ELAVL3: variants seen among roughly 807,000 people sequenced by gnomAD.
ELAVL3 encodes the protein ELAV like RNA binding protein 3.
Under a neutral mutation model 34.2 loss-of-function variants are expected in ELAVL3, and 8 were observed. That is an observed-to-expected ratio of 0.23 (90% CI 0.14 to 0.42). The LOEUF is 0.42. Among genes scored for constraint, ELAVL3 ranks in the 10% least tolerant of loss-of-function variants. The pLI, the probability that ELAVL3 is intolerant of heterozygous loss-of-function variation, is 1.00. For synonymous variants in ELAVL3, 209 were observed against 222.1 expected, an observed-to-expected ratio of 0.94 and a Z score of 0.53; for missense variants, 273 against 518.8, an observed-to-expected ratio of 0.53 and a Z score of 4.60.
Position 11,454,461 on chromosome 19 carries a change from C to T in ELAVL3, c.*65G>A, listed in dbSNP as rs1970723521. On this transcript the variant is annotated 3_prime_UTR_variant, in exon 7 of 7. Coordinates refer to ENST00000359227, the MANE Select transcript of ELAVL3 (RefSeq NM_001420.4). The surrounding 1 kb of genome is among the most constrained non-coding windows in gnomAD (Gnocchi z 9.2). ...TCTCTTGGGCCCCTTCTCTCTCTCT[C>T]TCTCTCTTTCTCTCTCTCTCTCTCT... is the stretch of plus-strand genomic sequence containing the variant. The T allele has an allele frequency of 7.1e-7, 1 of 1,401,792 alleles. No homozygotes were observed. Among genetic ancestry groups the T allele is most frequent in the Non-Finnish European group, 9.5e-7 (1 of 1,053,050 alleles). 86.8% of individuals were successfully genotyped at this position (1,401,792 alleles called of 1,614,324 possible). A position where few individuals can be genotyped will look rare whatever the true frequency, so the allele number is the denominator to read the frequency against.
intron 1 of ELAVL3, among the ~76,000 whole-genome samples, chr19:11,471,279 C>T (rs1355172204): frequency 6.7e-6 from 1 of 148,706 alleles, no homozygotes; most frequent in African/African-American, 2.5e-5. Flanking sequence ...CATTGCATTC[C>T]AGCCTGAGCA....
intron 1 of ELAVL3, among the ~76,000 whole-genome samples, chr19:11,469,201 T>A (rs1159375940): frequency 1.3e-5 from 2 of 152,224 alleles, no homozygotes; most frequent in Admixed American, 6.5e-5. Flanking sequence ...GTGTTGGAAT[T>A]ACAGGCGTGA....
chr19:11,474,303 G>A (rs1037632111), intron 1 of ELAVL3, among the ~76,000 whole-genome samples: 4 of 152,084 alleles, frequency 2.6e-5, no homozygotes, highest in Admixed American at 2.0e-4. Flanking sequence ...AAAGTGCTAA[G>A]GATTCAGTTG....
Position 11,466,322 on chromosome 19 carries a change from C to T in ELAVL3, c.230-47G>A, listed in dbSNP as rs774194719. 55 of 1,543,642 alleles carry T rather than the reference C, an allele frequency of 3.6e-5. No homozygotes were observed. The highest frequency in any genetic ancestry group is 4.7e-5 in the Non-Finnish European group (53 of 1,116,680). ...TGACCTTCCCACCCAGCCTTGACAC[C>T]TGCCAGTGTCCCACCTCAGGCCTGA... On this transcript the variant is annotated intron_variant, in intron 2 of 6. Coordinates refer to ENST00000359227, the MANE Select transcript of ELAVL3 (RefSeq NM_001420.4). The surrounding 1 kb of genome is among the most constrained non-coding windows in gnomAD (Gnocchi z 5.0).
At chr19:11,461,352 A>G (rs939283222) in intron 3 of ELAVL3, among the ~76,000 whole-genome samples, 23 of 152,124 alleles carry the variant, frequency 1.5e-4, no homozygotes, top group Non-Finnish European at 2.6e-4. Context: ...AGGGAAGTCC[A>G]CCTCTCAAAT....
Position 11,466,502 on chromosome 19 carries a change from C to T in ELAVL3, c.229+106G>A. The T allele has an allele frequency of 7.5e-7, 1 of 1,339,210 alleles. No individual in the cohort carries two copies. Among genetic ancestry groups the T allele is most frequent in the Non-Finnish European group, 1.0e-6 (1 of 955,432 alleles). The allele number at this position is 1,339,210 out of a possible 1,614,324, so 83.0% of individuals were successfully genotyped here. ...CTCACATCCCTAGACCACCTCCTGCCTCGATTACCCCCGAGACACCTCAGC... is the reference window on the plus strand; with the variant it reads ...CTCACATCCCTAGACCACCTCCTGCTTCGATTACCCCCGAGACACCTCAGC... On this transcript the variant is annotated intron_variant, in intron 2 of 6. Coordinates refer to ENST00000359227, the MANE Select transcript of ELAVL3 (RefSeq NM_001420.4). This position sits in a 1 kb window ranked among gnomAD's most constrained non-coding sequence, Gnocchi z 5.0.
rs758629668 is a variant in ELAVL3, at chr19:11,480,647, G to A, written c.-39C>T. The A allele has an allele frequency of 2.1e-6, 3 of 1,416,054 alleles. No individual in the cohort carries two copies. The highest frequency in any genetic ancestry group is 2.8e-6 in the Non-Finnish European group (3 of 1,078,154). The allele number at this position is 1,416,054 out of a possible 1,614,324, so 87.7% of individuals were successfully genotyped here. On this transcript the variant is annotated 5_prime_UTR_variant, in exon 1 of 7. Coordinates refer to ENST00000359227, the MANE Select transcript of ELAVL3 (RefSeq NM_001420.4). This position sits in a 1 kb window ranked among gnomAD's most constrained non-coding sequence, Gnocchi z 6.8. Reference sequence around the variant, plus strand: ...GCGGGCGCGGTCCGTGTTGAGGGGGGCTCCGGGGGTGGTGCACTCCTAGGG... The same window carrying A: ...GCGGGCGCGGTCCGTGTTGAGGGGGACTCCGGGGGTGGTGCACTCCTAGGG...
Position 11,480,370 on chromosome 19 carries a change from C to G in ELAVL3, c.9+230G>C, listed in dbSNP as rs1020681251. ...CTCCAGGGCGGCGTCGGACGCCTCC[C>G]GAATCGCAGTCAGTCTCCCTAAGGC... On this transcript the variant is annotated intron_variant, in intron 1 of 6. Coordinates refer to ENST00000359227, the MANE Select transcript of ELAVL3 (RefSeq NM_001420.4). This position sits in a 1 kb window ranked among gnomAD's most constrained non-coding sequence, Gnocchi z 6.8. The G allele has an allele frequency of 2.3e-6, 1 of 429,312 alleles. No individual in the cohort carries two copies. Among genetic ancestry groups the G allele is most frequent in the Non-Finnish European group, 4.0e-6 (1 of 251,536 alleles). 26.6% of individuals were successfully genotyped at this position (429,312 alleles called of 1,614,324 possible). A position where few individuals can be genotyped will look rare whatever the true frequency, so the allele number is the denominator to read the frequency against.
chr19:11,470,989 G>T (rs142529752), intron 1 of ELAVL3, among the ~76,000 whole-genome samples: 1 of 152,294 alleles, frequency 6.6e-6, no homozygotes, highest in East Asian at 1.9e-4. Context: ...AGGACTACAG[G>T]TGGGCGCCAC....
rs972706508 is a variant in ELAVL3, at chr19:11,480,720, C to A, written c.-112G>T. The A allele has an allele frequency of 2.8e-6, 3 of 1,078,064 alleles. No individual in the cohort carries two copies. The highest frequency in any genetic ancestry group is 3.2e-5 in the Admixed American group (1 of 31,150). 66.8% of individuals were successfully genotyped at this position (1,078,064 alleles called of 1,614,324 possible). ...GGTCCCGCCCGGGCGGCCTCTGGTG[C>A]GGCCGCTGCAGATGTGGCGATGAAG... On this transcript the variant is annotated 5_prime_UTR_variant, in exon 1 of 7. Coordinates refer to ENST00000359227, the MANE Select transcript of ELAVL3 (RefSeq NM_001420.4). This position sits in a 1 kb window ranked among gnomAD's most constrained non-coding sequence, Gnocchi z 6.8.
intron 3 of ELAVL3, among the ~76,000 whole-genome samples, chr19:11,461,784 A>G (rs1237437701): frequency 6.6e-6 from 1 of 151,982 alleles, no homozygotes; most frequent in Non-Finnish European, 1.5e-5. Flanking sequence ...TGTTTCTTCT[A>G]ATTAACCTCT....
rs1402825405 is a variant in ELAVL3, at chr19:11,458,467, G to A, written c.478C>T (p.Gln160Ter). The change falls in exon 4 of 7, where the codon CAG becomes TAG. Residue 160 changes from glutamine (Q) to a stop codon, truncating the protein, a stop_gained. Coordinates refer to ENST00000359227, the MANE Select transcript of ELAVL3 (RefSeq NM_001420.4). LOFTEE classifies it high-confidence loss of function. This position sits in a 1 kb window ranked among gnomAD's most constrained non-coding sequence, Gnocchi z 7.3. ...TCCCTGACTGCCTGACCTGTGACCTGGTCCACCAGGATGCGGGACGTGATG... is the reference window on the plus strand; with the variant it reads ...TCCCTGACTGCCTGACCTGTGACCTAGTCCACCAGGATGCGGGACGTGATG... ...RIITSRILVD[Q>*]VTGVSRGVGF... 1 of 1,614,002 alleles carries A rather than the reference G, an allele frequency of 6.2e-7. No individual in the cohort carries two copies. The highest frequency in any genetic ancestry group is 1.3e-5 in the African/African-American group (1 of 74,928).
rs374596701 is a variant in ELAVL3 at position 11,466,241 on chromosome 19, A to G, written c.264T>C (p.Ser88=). The change falls in exon 3 of 7, where the codon TCT becomes TCC. Residue 88 remains serine (S), a synonymous_variant. Coordinates refer to ENST00000359227, the MANE Select transcript of ELAVL3 (RefSeq NM_001420.4). The surrounding 1 kb of genome is among the most constrained non-coding windows in gnomAD (Gnocchi z 5.0). ...QSLGYGFVNY[S]DPNDADKAIN... ...TGGCTTTGTCTGCATCATTGGGGTC[A>G]GAATAGTTCACAAACCCGTAGCCAA... 3 of 1,613,848 alleles carry G rather than the reference A, an allele frequency of 1.9e-6. No individual in the cohort carries two copies. The highest frequency in any genetic ancestry group is 2.5e-6 in the Non-Finnish European group (3 of 1,179,864).
At position 11,478,726 on chromosome 19, in the gene ELAVL3, G is replaced by A. The variant is rs1301518377; in HGVS notation, c.9+1874C>T. Among the ~76,000 whole-genome samples the A allele has an allele frequency of 5.9e-5, 9 of 151,860 alleles. No homozygotes were observed. The South Asian group carries it at 1.0e-3, about 18-fold the overall frequency. ...CTCTCTCTTCCTCTTTTCCACCATC[G>A]CACATACATCTGACGTATGGGTTTT... On this transcript the variant is annotated intron_variant, in intron 1 of 6. Coordinates refer to ENST00000359227, the MANE Select transcript of ELAVL3 (RefSeq NM_001420.4).
chr19:11,458,327 C>T lies in ELAVL3; in HGVS notation c.488-41G>A, dbSNP rs756594027. The T allele has an allele frequency of 6.2e-7, 1 of 1,609,720 alleles. No individual in the cohort carries two copies. The highest frequency in any genetic ancestry group is 8.5e-7 in the Non-Finnish European group (1 of 1,177,672). On this transcript the variant is annotated intron_variant, in intron 4 of 6. Coordinates refer to ENST00000359227, the MANE Select transcript of ELAVL3 (RefSeq NM_001420.4). This position sits in a 1 kb window ranked among gnomAD's most constrained non-coding sequence, Gnocchi z 7.3. ...GATGTCCATCACGACGACCCTGTCC[C>T]CTCCTGTGTAACCCCACTTCTCCCT...
At chr19:11,477,492 G>T (rs78140388) in intron 1 of ELAVL3, among the ~76,000 whole-genome samples, 1 of 152,084 alleles carries the variant, frequency 6.6e-6, no homozygotes, top group Non-Finnish European at 1.5e-5. Flanking sequence ...CCCAGGCTGC[G>T]ATCCTCCTGC....
At chr19:11,461,679 C>T (rs1483360297) in intron 3 of ELAVL3, among the ~76,000 whole-genome samples, 1 of 151,944 alleles carries the variant, frequency 6.6e-6, no homozygotes, top group Non-Finnish European at 1.5e-5. Context: ...TTCACCACAG[C>T]CTTGACCCCC....
intron 1 of ELAVL3, among the ~76,000 whole-genome samples, chr19:11,470,226 A>G (rs1206388686): frequency 1.3e-5 from 2 of 152,056 alleles, no homozygotes; most frequent in Non-Finnish European, 2.9e-5. Context: ...GTGGTGGCAC[A>G]CGCCTGTAAT....
In ELAVL3 at chr19:11,454,534, T is replaced by C; in HGVS notation, c.1096A>G (p.Lys366Glu). ...QVSFKTSKQH[K>E]A ...GGGCAGGCGGGGTGGGCTCACGCCT[T>C]GTGCTGTTTGCTGGTCTTGAAGGAG... The change falls in exon 7 of 7, where the codon AAG becomes GAG. Residue 366 changes from lysine to glutamate, a missense_variant. Coordinates refer to ENST00000359227, the MANE Select transcript of ELAVL3 (RefSeq NM_001420.4). The surrounding 1 kb of genome is among the most constrained non-coding windows in gnomAD (Gnocchi z 9.2). 1 of 1,607,146 alleles carries C rather than the reference T, an allele frequency of 6.2e-7. No individual in the cohort carries two copies. The highest frequency in any genetic ancestry group is 8.5e-7 in the Non-Finnish European group (1 of 1,176,108).
Sources: allele counts gnomAD v4.1 joint callset (sites outside exome capture counted in the v4.1 genomes callset), GRCh38; gene constraint gnomAD v4.1.1; non-coding constraint Gnocchi (gnomAD v3.1); transcripts MANE v1.5; gene names NCBI Gene and HGNC (gene_info 2026-07-23, HGNC 2026-07-21).